The following CCSER2 variants were observed in gnomAD, a reference collection of about 807,000 sequenced individuals.
CCSER2 encodes coiled-coil serine rich protein 2.
In CCSER2, 46 loss-of-function variants were observed where a neutral mutation model predicts 92.3. That is an observed-to-expected ratio of 0.50 (90% CI 0.39 to 0.64). The LOEUF (loss-of-function observed/expected upper bound fraction) is 0.64, where lower values mean the gene tolerates loss of function less well. Ranked by LOEUF, CCSER2 falls within the 30% of genes least tolerant of loss-of-function variation. The probability of loss-of-function intolerance (pLI) is 0.00; values close to 1 mark genes in which losing one functional copy is unlikely to be tolerated. For missense variants in CCSER2, 1,244 were observed against 1,238.9 expected (o/e 1.00, Z -0.06); for synonymous variants, 433 against 431.4 (o/e 1.00, Z -0.04).
At chr10:84,449,801 C>G (rs71487112) in intron 6 of CCSER2, among the ~76,000 whole-genome samples, 1 of 152,106 alleles carries the variant, frequency 6.6e-6, no homozygotes, top group Non-Finnish European at 1.5e-5. Context: ...GAGCTGAGAT[C>G]GCGCCATTGC....
At chr10:84,346,045 A>G (rs2133040659) in intron 1 of CCSER2, among the ~76,000 whole-genome samples, 1 of 152,330 alleles carries the variant, frequency 6.6e-6, no homozygotes, top group East Asian at 1.9e-4. Flanking sequence ...AATAGCTTTT[A>G]TTAAGTGTCT....
Position 84,505,604 on chromosome 10 carries a change from C to CT in CCSER2, c.2326-7842dup, listed in dbSNP as rs1848998271. Reference sequence around the variant, plus strand: ...AAACTAGAGTAACTCAGTAAAAAAACTTTACTAATTCAATTTCGTGTATGC... The same window carrying CT: ...AAACTAGAGTAACTCAGTAAAAAAACTTTTACTAATTCAATTTCGTGTATGC... On this transcript the variant is annotated intron_variant, in intron 9 of 9. Coordinates refer to ENST00000372088, the MANE Select transcript of CCSER2 (RefSeq NM_001284240.2). Among the ~76,000 whole-genome samples, 8 of 152,084 alleles carry CT rather than the reference C, an allele frequency of 5.3e-5. No individual in the cohort carries two copies. In the South Asian group the frequency reaches 1.5e-3, roughly 28 times the overall value.
At chr10:84,334,486 C>A (rs559815497) in intron 1 of CCSER2, among the ~76,000 whole-genome samples, 1 of 152,094 alleles carries the variant, frequency 6.6e-6, no homozygotes, top group South Asian at 2.1e-4. Context: ...TACTTCTCTA[C>A]CTTTAAAGAC....
intron 1 of CCSER2, among the ~76,000 whole-genome samples, chr10:84,368,339 A>G (rs904742918): frequency 2.0e-5 from 3 of 152,120 alleles, no homozygotes; most frequent in South Asian, 4.1e-4. Context: ...TTCTTAGTTT[A>G]AATAGTTTTT....
At chr10:84,424,528 C>T (rs186621595) in intron 4 of CCSER2, among the ~76,000 whole-genome samples, 170 of 152,236 alleles carry the variant, frequency 1.1e-3, no homozygotes, top group Non-Finnish European at 6.5e-4. Flanking sequence ...GAGAACTGAA[C>T]ATCTATACTT....
rs935564600 is a variant in CCSER2, at chr10:84,513,944, C to G, written c.2821C>G (p.Pro941Ala). ...LVPPPVSESS[P>A]SRTPTCKKSP... ...ACCGCCTCCAGTTTCTGAATCATCT[C>G]CAAGTAGGACTCCCACTTGTAAAAA... Residue 941 changes from proline to alanine, a missense_variant, in exon 10 of 10, where the codon CCA (proline) becomes GCA (alanine). Transcript: ENST00000372088. 6 of 1,536,586 alleles carry G rather than the reference C, an allele frequency of 3.9e-6. No individual in the cohort carries two copies. The highest frequency in any genetic ancestry group is 5.2e-6 in the Non-Finnish European group (6 of 1,146,960).
intron 4 of CCSER2, chr10:84,424,824 C>G (rs1185942266): frequency 6.3e-6 from 1 of 158,306 alleles, no homozygotes; most frequent in Non-Finnish European, 1.4e-5. Flanking sequence ...TTTTTAGTAA[C>G]CGTCCTAAGT....
rs987761812 is a variant in CCSER2 at position 84,403,104 on chromosome 10, A to G, written c.1615-14667A>G. ...AAGAGAGCGTGGTATTGGCAGAAGC[A>G]TAGACACATAGATCAATGGAACGGA... On this transcript the variant is annotated intron_variant, in intron 3 of 9. Transcript: ENST00000372088. Among the ~76,000 whole-genome samples, 34 of 152,324 alleles carry G rather than the reference A, an allele frequency of 2.2e-4. 1 individual carries two copies. The highest frequency in any genetic ancestry group is 4.1e-4 in the South Asian group (2 of 4,828).
At chr10:84,394,786 A>C (rs1841736988) in intron 3 of CCSER2, among the ~76,000 whole-genome samples, 1 of 152,098 alleles carries the variant, frequency 6.6e-6, no homozygotes, top group East Asian at 1.9e-4. Flanking sequence ...CATACACCCC[A>C]CCTATGTATG....
intron 9 of CCSER2, among the ~76,000 whole-genome samples, chr10:84,511,154 G>A (rs1466116151): frequency 2.0e-5 from 3 of 151,828 alleles, no homozygotes; most frequent in South Asian, 2.1e-4. Context: ...AATTCCTCTC[G>A]GTTGACTCAA....
chr10:84,378,226 G>A (rs1283476736), intron 3 of CCSER2, among the ~76,000 whole-genome samples: 1 of 151,780 alleles, frequency 6.6e-6, no homozygotes, highest in Middle Eastern at 3.2e-3. Context: ...TGAATATTAA[G>A]TTTTACCAAA....
intron 8 of CCSER2, among the ~76,000 whole-genome samples, chr10:84,474,662 CAAAAAAAA>C (rs397844899): frequency 9.1e-5 from 6 of 65,876 alleles, no homozygotes; most frequent in African/African-American, 3.5e-4. Flanking sequence ...GACTCCATCT[CAAAAAAAA>C]AAAAAAAAAA....
chr10:84,397,707 A>G (rs148445190), intron 3 of CCSER2, among the ~76,000 whole-genome samples: 16 of 152,364 alleles, frequency 1.1e-4, no homozygotes, highest in Non-Finnish European at 1.9e-4. Context: ...CAGTCAAGCA[A>G]AACTTGATTT....
chr10:84,471,158 A>T (rs1303266883), intron 8 of CCSER2, among the ~76,000 whole-genome samples: 1 of 152,120 alleles, frequency 6.6e-6, no homozygotes, highest in Non-Finnish European at 1.5e-5. Flanking sequence ...CTCACTGAAA[A>T]TATAAAGGAT....
chr10:84,374,096 A>G lies in CCSER2; in HGVS notation c.1614+281A>G, dbSNP rs1846206431. On this transcript the variant is annotated intron_variant, in intron 3 of 9. Transcript: ENST00000372088. The stretch of plus-strand genomic sequence containing the variant: ...AGTTTAATCTATGCCAGTGGTTCTC[A>G]AAGACTGGGGGAGGAGGTCAATGAC... 4 of 639,634 alleles carry G rather than the reference A, an allele frequency of 6.3e-6. No individual in the cohort carries two copies. The East Asian group carries it at 1.1e-4, about 17-fold the overall frequency. The allele number at this position is 639,634 out of a possible 1,614,324, so 39.6% of individuals were successfully genotyped here.
At chr10:84,363,147 A>AC (rs1845598287) in intron 1 of CCSER2, among the ~76,000 whole-genome samples, 1 of 84,376 alleles carries the variant, frequency 1.2e-5, no homozygotes, top group African/African-American at 6.3e-5. Flanking sequence ...ACACCCAGCT[A>AC]TTTTTTTTTT....
intron 4 of CCSER2, among the ~76,000 whole-genome samples, chr10:84,425,463 G>GT (rs1319268978): frequency 1.3e-5 from 2 of 152,142 alleles, no homozygotes; most frequent in Non-Finnish European, 2.9e-5. Context: ...TAATTTGCCT[G>GT]TTTTAAAACA....
intron 6 of CCSER2, among the ~76,000 whole-genome samples, chr10:84,451,536 G>A (rs1271722592): frequency 2.0e-5 from 3 of 152,164 alleles, no homozygotes; most frequent in Admixed American, 1.3e-4. Context: ...AACACAGATG[G>A]CTTGAGGAGT....
chr10:84,358,532 A>G, intron 1 of CCSER2, among the ~76,000 whole-genome samples: 1 of 151,778 alleles, frequency 6.6e-6, no homozygotes, highest in Non-Finnish European at 1.5e-5. Context: ...GGAGGCTGAG[A>G]TGGGAAGATC....
Sources: allele counts gnomAD v4.1 joint callset (sites outside exome capture counted in the v4.1 genomes callset), GRCh38; gene constraint gnomAD v4.1.1; transcripts MANE v1.5; gene names NCBI Gene and HGNC (gene_info 2026-07-23, HGNC 2026-07-21).